ZNF516: variants seen among roughly 807,000 people sequenced by gnomAD.
ZNF516 encodes the protein zinc finger protein 516.
Under a neutral mutation model 79.7 loss-of-function variants are expected in ZNF516, and 19 were observed. The observed-to-expected ratio is 0.24, with a 90% CI of 0.17 to 0.35. ZNF516 has a LOEUF of 0.35. ZNF516 is among the 10% of genes least tolerant of loss of function. The pLI, the probability that ZNF516 is intolerant of heterozygous loss-of-function variation, is 1.00. For missense variants in ZNF516, 1,678 were observed against 1,679.5 expected (o/e 1.00, Z 0.02); for synonymous variants, 877 against 739.5 (o/e 1.19, Z -3.02).
At chr18:76,410,121 A>G (rs943315004) in intron 3 of ZNF516, among the ~76,000 whole-genome samples, 1 of 152,108 alleles carries the variant, frequency 6.6e-6, no homozygotes, top group Non-Finnish European at 1.5e-5. Context: ...TCTTTCCTTT[A>G]TAAATCACCC....
chr18:76,473,415 G>A (rs992927748), intron 1 of ZNF516, among the ~76,000 whole-genome samples: 3 of 145,870 alleles, frequency 2.1e-5, no homozygotes, highest in Admixed American at 6.8e-5. Flanking sequence ...AGCTGGACAC[G>A]TAGAGAAAAA....
intron 1 of ZNF516, among the ~76,000 whole-genome samples, chr18:76,480,520 C>CATAT (rs775140329): frequency 0.019 from 1,334 of 69,462 alleles, 27 homozygotes; most frequent in African/African-American, 0.1. Flanking sequence ...CACACACACA[C>CATAT]ACACATATAT....
At chr18:76,387,235 C>G (rs1385215643) in intron 3 of ZNF516, 1 of 152,312 alleles carries the variant, frequency 6.6e-6, no homozygotes, top group African/African-American at 2.4e-5. Flanking sequence ...GATCATAGAA[C>G]AGGAAGAATC....
intron 1 of ZNF516, among the ~76,000 whole-genome samples, chr18:76,488,519 T>G: frequency 1.2e-5 from 1 of 84,000 alleles, no homozygotes; most frequent in East Asian, 5.3e-4. Flanking sequence ...TTCTAGAACT[T>G]TTGAGGGGGA....
In ZNF516 at chr18:76,451,232, C is replaced by T. The variant is rs2057607474; in HGVS notation, c.-157-8021G>A. ...TTCATGAATTAACCTTATCGCGGTC[C>T]CGAAACAGCCCTGGCTCCCCCGACG... is the stretch of plus-strand genomic sequence containing the variant. On this transcript the variant is annotated intron_variant, in intron 2 of 6. Transcript: ENST00000443185. The surrounding 1 kb of genome is among the most constrained non-coding windows in gnomAD (Gnocchi z 6.0). 6.6e-6 allele frequency among the ~76,000 whole-genome samples: 1 copy of T among 152,142 alleles called. No homozygotes were observed. Among genetic ancestry groups the T allele is most frequent in the Non-Finnish European group, 1.5e-5 (1 of 68,022 alleles).
At chr18:76,447,281 A>T (rs1160560531) in intron 2 of ZNF516, among the ~76,000 whole-genome samples, 3 of 152,204 alleles carry the variant, frequency 2.0e-5, no homozygotes, top group South Asian at 2.1e-4. Flanking sequence ...CCCTGCTGGC[A>T]CGACGGGCTG....
At chr18:76,490,892 TC>T (rs765507977) in intron 1 of ZNF516, 32 of 985,402 alleles carry the variant, frequency 3.2e-5, no homozygotes, top group Non-Finnish European at 3.6e-5. Context: ...TCTGGGCTTT[TC>T]CAGGCAGTCC....
At chr18:76,432,310 A>C (rs866839930) in intron 3 of ZNF516, among the ~76,000 whole-genome samples, 4 of 152,314 alleles carry the variant, frequency 2.6e-5, no homozygotes, top group Non-Finnish European at 2.9e-5. Context: ...TGCTGTGGAA[A>C]GCCTCAGTAC....
intron 1 of ZNF516, among the ~76,000 whole-genome samples, chr18:76,480,289 T>C (rs1914433047): frequency 6.6e-6 from 1 of 152,148 alleles, no homozygotes; most frequent in Non-Finnish European, 1.5e-5. Context: ...ATTTTACGTG[T>C]TTCCTTTTAC....
At chr18:76,362,632 A>G in intron 6 of ZNF516, 75 bp from the exon 7 acceptor site, 1 of 1,425,190 alleles carries the variant, frequency 7.0e-7, no homozygotes, top group Non-Finnish European at 9.7e-7. Context: ...TTTTCCTATT[A>G]ATTTTCTAAT....
chr18:76,412,292 C>A (rs938096570), intron 3 of ZNF516, among the ~76,000 whole-genome samples: 14 of 152,196 alleles, frequency 9.2e-5, no homozygotes, highest in Admixed American at 8.5e-4. Context: ...TCCTTCCTCA[C>A]TGGGGACAGA....
chr18:76,379,822 G>A lies in ZNF516; in HGVS notation c.2292C>T (p.Tyr764=), dbSNP rs1399749887. 1.2e-6 allele frequency: 2 copies of A among 1,613,722 alleles called. No homozygotes were observed. The highest frequency in any genetic ancestry group is 1.7e-6 in the Non-Finnish European group (2 of 1,179,860). ...QAALVVHPCP[Y]CSHKTYYPEV... is the part of the protein sequence containing the mutation. ...CGGGGTAGTAGGTCTTGTGGCTGCA[G>A]TAAGGACACGGGTGAACGACTAAAG... Residue 764 remains tyrosine, a synonymous_variant, in exon 4 of 7, where the codon TAC becomes TAT. Coordinates refer to ENST00000443185, the MANE Select transcript of ZNF516 (RefSeq NM_014643.4).
chr18:76,445,017 C>T (rs138877670), intron 2 of ZNF516, among the ~76,000 whole-genome samples: 48 of 152,300 alleles, frequency 3.2e-4, no homozygotes, highest in East Asian at 2.9e-3. Context: ...CCTCCAGGAA[C>T]GCACCCAGCA....
At chr18:76,469,625 A>G (rs1210232136) in intron 1 of ZNF516, among the ~76,000 whole-genome samples, 2 of 152,162 alleles carry the variant, frequency 1.3e-5, no homozygotes, top group Non-Finnish European at 2.9e-5. Flanking sequence ...AAAAAGTTTA[A>G]TATTTTTAAA....
chr18:76,406,479 G>T (rs1453349707), intron 3 of ZNF516, among the ~76,000 whole-genome samples: 1 of 152,196 alleles, frequency 6.6e-6, no homozygotes, highest in Non-Finnish European at 1.5e-5. Context: ...CAGGAGAATC[G>T]CTTGAACCCG....
intron 1 of ZNF516, among the ~76,000 whole-genome samples, chr18:76,489,802 G>A (rs1568334204): frequency 6.6e-6 from 1 of 152,050 alleles, no homozygotes; most frequent in Non-Finnish European, 1.5e-5. Context: ...TAAGCCATCT[G>A]GAAAGATTAT....
intron 6 of ZNF516, among the ~76,000 whole-genome samples, chr18:76,365,732 C>T (rs2074602910): frequency 6.6e-6 from 1 of 152,184 alleles, no homozygotes; most frequent in African/African-American, 2.4e-5. Flanking sequence ...GTGCCACCGC[C>T]GGGCTGGAAG....
At chr18:76,370,793 T>C (rs2074691013) in intron 5 of ZNF516, among the ~76,000 whole-genome samples, 198 bp from the exon 6 acceptor site, 1 of 152,242 alleles carries the variant, frequency 6.6e-6, no homozygotes, top group Admixed American at 6.5e-5. Flanking sequence ...CCCTTTTTAA[T>C]TCAGACCTCG....
intron 1 of ZNF516, among the ~76,000 whole-genome samples, chr18:76,480,529 A>ATATATATT (rs374464151): frequency 0.21 from 29,284 of 141,520 alleles, 4,044 homozygotes; most frequent in African/African-American, 0.36. Context: ...ACACACATAT[A>ATATATATT]TTTTTTTTTT....
Sources: allele counts gnomAD v4.1 joint callset (sites outside exome capture counted in the v4.1 genomes callset), GRCh38; gene constraint gnomAD v4.1.1; non-coding constraint Gnocchi (gnomAD v3.1); transcripts MANE v1.5; gene names NCBI Gene and HGNC (gene_info 2026-07-23, HGNC 2026-07-21).